Variants in EFNA4 observed in about 807,000 individuals in gnomAD.
EFNA4 encodes the protein ephrin A4, also known as ephrin-A4.
A neutral mutation model predicts 23.7 loss-of-function variants in EFNA4; 22 were observed. The ratio of observed to expected loss-of-function variants is 0.93; its 90% CI spans 0.66 to 1.32. The LOEUF is 1.32. Among genes scored for constraint, EFNA4 ranks in the 40% most tolerant of loss-of-function variants. EFNA4 has a pLI of 0.00. For missense variants in EFNA4, 252 were observed against 252.3 expected, an observed-to-expected ratio of 1.00 and a Z score of 0.01; for synonymous variants, 113 against 108.3, an observed-to-expected ratio of 1.04 and a Z score of -0.27.
intron 1 of EFNA4, among the ~76,000 whole-genome samples, chr1:155,064,525 G>A (rs1283652172): frequency 1.3e-5 from 2 of 152,166 alleles, no homozygotes; most frequent in African/African-American, 4.8e-5. Flanking sequence ...TGTATAATGG[G>A]CTAATAATAC....
chr1:155,068,718 C>A, intron 3 of EFNA4, 135 bp from the exon 4 acceptor site: 1 of 970,250 alleles, frequency 1.0e-6, no homozygotes, highest in Non-Finnish European at 1.5e-6. Flanking sequence ...AGGATGAGGT[C>A]ATAGATCATG....
Position 155,063,891 on chromosome 1 carries a change from G to A in EFNA4, c.68G>A (p.Gly23Asp), listed in dbSNP as rs1413024884. The part of the protein sequence containing the change: ...AAFLGSPLRG[G>D]SSLRHVVYWN... ...TTCCTCGGCTCCCCTCTGCGCGGGG[G>A]CTCCAGCCTCCGCCACGTAGTCTAC... is the stretch of plus-strand genomic sequence containing the variant. The change falls in exon 1 of 4, where the codon GGC becomes GAC. Residue 23 changes from glycine (G) to aspartate (D), a missense_variant. Transcript: ENST00000368409. This position sits in a 1 kb window ranked among gnomAD's most constrained non-coding sequence, Gnocchi z 4.1. 3.2e-6 allele frequency: 5 copies of A among 1,567,590 alleles called. No individual in the cohort carries two copies. The highest frequency in any genetic ancestry group is 2.4e-5 in the East Asian group (1 of 41,120).
intron 2 of EFNA4, 23 bp downstream of exon 2, chr1:155,067,039 G>A: frequency 6.3e-7 from 1 of 1,582,862 alleles, no homozygotes; most frequent in South Asian, 1.2e-5. Context: ...GGGCACACTG[G>A]ACACCTCTTG....
At position 155,063,767 on chromosome 1, in the gene EFNA4, T is replaced by C. The variant is rs1662881223; in HGVS notation, c.-57T>C. 5 of 1,430,742 alleles carry C rather than the reference T, an allele frequency of 3.5e-6. No individual in the cohort carries two copies. The highest frequency in any genetic ancestry group is 4.6e-6 in the Non-Finnish European group (5 of 1,079,206). 88.6% of individuals were successfully genotyped at this position (1,430,742 alleles called of 1,614,324 possible). A position where few individuals can be genotyped will look rare whatever the true frequency, so the allele number is the denominator to read the frequency against. On this transcript the variant is annotated 5_prime_UTR_variant, in exon 1 of 4. Transcript: ENST00000368409. The surrounding 1 kb of genome is among the most constrained non-coding windows in gnomAD (Gnocchi z 4.1). ...CTCTTCACTTTGTACCTTTCTCTCC[T>C]CGACTGTGAAGCGGGCCGGGACCTG...
Position 155,068,846 on chromosome 1 carries a change from C to G in EFNA4, c.470-7C>G. 2 of 1,609,398 alleles carry G rather than the reference C, an allele frequency of 1.2e-6. No individual in the cohort carries two copies. Among genetic ancestry groups the G allele is most frequent in the Non-Finnish European group, 1.7e-6 (2 of 1,177,470 alleles). ...GACTGATCAGTGCTACCCCCTCCCC[C>G]TCACAGAGTCTGAGTCAGCCCATCC... is the stretch of plus-strand genomic sequence containing the variant. On this transcript the variant is annotated splice_polypyrimidine_tract_variant and splice_region_variant and intron_variant, in intron 3 of 3. Coordinates refer to ENST00000368409, the MANE Select transcript of EFNA4 (RefSeq NM_005227.3).
chr1:155,069,455 G>T lies in EFNA4; in HGVS notation c.*466G>T, dbSNP rs536226496. 4.0e-5 allele frequency: 17 copies of T among 423,464 alleles called. No individual in the cohort carries two copies. The highest frequency in any genetic ancestry group is 4.2e-5 in the Non-Finnish European group (10 of 239,464). 26.2% of individuals were successfully genotyped at this position (423,464 alleles called of 1,614,324 possible). On this transcript the variant is annotated 3_prime_UTR_variant, in exon 4 of 4. Coordinates refer to ENST00000368409, the MANE Select transcript of EFNA4 (RefSeq NM_005227.3). ...TCACTCACTTGTCTTCTATGAAGAC[G>T]GACTCTTCATGAGGTTGAATTTCAT... is the stretch of plus-strand genomic sequence containing the variant.
rs887728687 is a variant in EFNA4, at chr1:155,068,945, C to T, written c.562C>T (p.Leu188=). The T allele has an allele frequency of 6.2e-7, 1 of 1,614,100 alleles. No individual in the cohort carries two copies. The highest frequency in any genetic ancestry group is 1.3e-5 in the African/African-American group (1 of 75,030). The stretch of plus-strand genomic sequence containing the variant: ...CACTCCCAGCCCCCTCTGTCTCTTG[C>T]TATTACTGCTGCTTCTGATTCTTCG... The part of the protein sequence containing the change: ...GDTPSPLCLL[L]LLLLLILRLL... The change falls in exon 4 of 4, where the codon CTA becomes TTA. Residue 188 remains leucine (L), a synonymous_variant. Transcript: ENST00000368409.
chr1:155,066,976 C>G lies in EFNA4; in HGVS notation c.360C>G (p.Leu120=). Residue 120 remains leucine, a synonymous_variant, in exon 2 of 4, where the codon CTC becomes CTG. Transcript: ENST00000368409. The stretch of plus-strand genomic sequence containing the variant: ...TTCAGCGCTTCACACCCTTCTCCCT[C>G]GGCTTTGAGTTCTTACCTGGAGAGA... ...EKIQRFTPFS[L]GFEFLPGETY... is the part of the protein sequence containing the mutation. The G allele has an allele frequency of 1.2e-6, 2 of 1,613,656 alleles. No individual in the cohort carries two copies. Among genetic ancestry groups the G allele is most frequent in the South Asian group, 2.2e-5 (2 of 91,010 alleles).
At chr1:155,067,140 A>G in intron 2 of EFNA4, 124 bp downstream of exon 2, 1 of 1,264,788 alleles carries the variant, frequency 7.9e-7, no homozygotes, top group Non-Finnish European at 1.1e-6. Flanking sequence ...TATGGGCTGA[A>G]CTCAGGACTG....
intron 3 of EFNA4, among the ~76,000 whole-genome samples, chr1:155,067,697 C>A (rs1034648381): frequency 6.6e-6 from 1 of 152,162 alleles, no homozygotes; most frequent in Admixed American, 6.5e-5. Context: ...TCTCAGCTCA[C>A]TGCAAGCTCC....
In EFNA4 at chr1:155,063,827, C is replaced by T. The variant is rs926859436; in HGVS notation, c.4C>T (p.Arg2Trp). The T allele has an allele frequency of 6.5e-7, 1 of 1,528,744 alleles. No homozygotes were observed. The highest frequency in any genetic ancestry group is 8.8e-7 in the Non-Finnish European group (1 of 1,139,038). The allele number at this position is 1,528,744 out of a possible 1,614,324, so 94.7% of individuals were successfully genotyped here. A position where few individuals can be genotyped will look rare whatever the true frequency, so the allele number is the denominator to read the frequency against. Reference sequence around the variant, plus strand: ...ACCAAACCGGACCTCGGGGGCGATGCGGCTGCTGCCCCTGCTGCGGACTGT... The same window carrying T: ...ACCAAACCGGACCTCGGGGGCGATGTGGCTGCTGCCCCTGCTGCGGACTGT... M[R>W]LLPLLRTVLW... The change falls in exon 1 of 4, where the codon CGG becomes TGG. Residue 2 changes from arginine (R) to tryptophan (W), a missense_variant. Transcript: ENST00000368409. The surrounding 1 kb of genome is among the most constrained non-coding windows in gnomAD (Gnocchi z 4.1).
chr1:155,063,970 A>C lies in EFNA4; in HGVS notation c.113+34A>C, dbSNP rs559936845. 5 of 1,492,334 alleles carry C rather than the reference A, an allele frequency of 3.4e-6. No individual in the cohort carries two copies. In the Admixed American group the frequency reaches 6.4e-5, roughly 19 times the overall value. The allele number at this position is 1,492,334 out of a possible 1,614,324, so 92.4% of individuals were successfully genotyped here. ...GCCGAACCGGGCGAGCGCACAGCCA[A>C]GTCTGCGCGCTCCCGGGCTTTGCGC... On this transcript the variant is annotated intron_variant, in intron 1 of 3. Transcript: ENST00000368409. The surrounding 1 kb of genome is among the most constrained non-coding windows in gnomAD (Gnocchi z 4.1).
intron 3 of EFNA4, 147 bp downstream of exon 3, chr1:155,067,587 G>A (rs1333122399): frequency 2.4e-6 from 2 of 844,268 alleles, no homozygotes; most frequent in Non-Finnish European, 3.8e-6. Flanking sequence ...AGCCTTGAGG[G>A]AGCTTCTACT....
chr1:155,069,216 A>G lies in EFNA4; in HGVS notation c.*227A>G, dbSNP rs1663124751. 3.2e-6 allele frequency: 5 copies of G among 1,553,466 alleles called. No homozygotes were observed. The South Asian group carries it at 3.6e-5, about 11-fold the overall frequency. Reference sequence around the variant, plus strand: ...CCCTGGACACTCTGAAGCAGAGGCAAGACAAACACAGGCGCTTTGCAGGCT... The same window carrying G: ...CCCTGGACACTCTGAAGCAGAGGCAGGACAAACACAGGCGCTTTGCAGGCT... On this transcript the variant is annotated 3_prime_UTR_variant, in exon 4 of 4. Coordinates refer to ENST00000368409, the MANE Select transcript of EFNA4 (RefSeq NM_005227.3).
chr1:155,063,782 G>A lies in EFNA4; in HGVS notation c.-42G>A, dbSNP rs1051079881. The A allele has an allele frequency of 4.1e-6, 6 of 1,475,656 alleles. No individual in the cohort carries two copies. The highest frequency in any genetic ancestry group is 5.4e-6 in the Non-Finnish European group (6 of 1,110,996). The allele number at this position is 1,475,656 out of a possible 1,614,324, so 91.4% of individuals were successfully genotyped here. On this transcript the variant is annotated 5_prime_UTR_variant, in exon 1 of 4. Transcript: ENST00000368409. This position sits in a 1 kb window ranked among gnomAD's most constrained non-coding sequence, Gnocchi z 4.1. ...CTTTCTCTCCTCGACTGTGAAGCGG[G>A]CCGGGACCTGCCAGGCCAGACCAAA...
At chr1:155,066,640 C>A in intron 1 of EFNA4, 90 bp from the exon 2 acceptor site, 1 of 1,454,390 alleles carries the variant, frequency 6.9e-7, no homozygotes, top group Non-Finnish European at 9.2e-7. Context: ...GAGAGGCTGG[C>A]AGGGGCCTCT....
intron 2 of EFNA4, 75 bp downstream of exon 2, chr1:155,067,091 G>A: frequency 6.6e-7 from 1 of 1,511,406 alleles, no homozygotes; most frequent in African/African-American, 1.4e-5. Flanking sequence ...GGCCTGGAAG[G>A]AGGAGGGGGC....
At chr1:155,066,685 G>A (rs372654753) in intron 1 of EFNA4, 45 bp from the exon 2 acceptor site, 48 of 1,523,388 alleles carry the variant, frequency 3.2e-5, no homozygotes, top group East Asian at 1.1e-4. Flanking sequence ...TGGCCATGGC[G>A]TGGTGCCCTC....
Position 155,063,878 on chromosome 1 carries a change from C to T in EFNA4, c.55C>T (p.Pro19Ser). The stretch of plus-strand genomic sequence containing the variant: ...CCTCTGGGCCGCGTTCCTCGGCTCC[C>T]CTCTGCGCGGGGGCTCCAGCCTCCG... ...TVLWAAFLGSPLRGGSSLRHV... is the reference protein window; with the variant it reads ...TVLWAAFLGSSLRGGSSLRHV... Residue 19 changes from proline to serine, a missense_variant, in exon 1 of 4, where the codon CCT becomes TCT. By Grantham distance (74) the Pro-to-Ser change is moderately conservative. Transcript: ENST00000368409. This position sits in a 1 kb window ranked among gnomAD's most constrained non-coding sequence, Gnocchi z 4.1. 6.4e-7 allele frequency: 1 copy of T among 1,564,186 alleles called. No homozygotes were observed. Among genetic ancestry groups the T allele is most frequent in the South Asian group, 1.2e-5 (1 of 84,604 alleles).
Sources: gnomAD v4.1 joint callset for allele counts (sites outside exome capture counted in the v4.1 genomes callset) on GRCh38, gnomAD v4.1.1 for gene constraint, Gnocchi (gnomAD v3.1) non-coding constraint, MANE v1.5 for transcripts, NCBI Gene and HGNC (gene_info 2026-07-23, HGNC 2026-07-21) for gene names.